The following VASN variants were observed in gnomAD, a reference collection of about 807,000 sequenced individuals.
VASN encodes the protein protein slit-like 2.
VASN carries 5 observed loss-of-function variants against 4.8 expected under a neutral mutation model. The observed-to-expected ratio is 1.03, with a 90% CI of 0.54 to 2.17. VASN has a LOEUF of 2.17. Among genes scored for constraint, VASN ranks in the 30% most tolerant of loss-of-function variants. The pLI, the probability that VASN is intolerant of heterozygous loss-of-function variation, is 0.01. For synonymous variants in VASN, 499 were observed against 460.8 expected (o/e 1.08, Z -1.06); for missense variants, 927 against 948.8 (o/e 0.98, Z 0.30).
Position 4,382,518 on chromosome 16 carries a change from G to A in VASN, c.1641G>A (p.Glu547=), listed in dbSNP as rs759387358. ...PLGPGRVPEG[E]EACGEAHTPP... is the part of the protein sequence containing the mutation. ...GGCCCGGGCGGGTGCCGGAGGGCGA[G>A]GAGGCCTGCGGGGAGGCCCATACAC... Residue 547 remains glutamate, a synonymous_variant, in exon 2 of 2, where the codon GAG becomes GAA. Coordinates refer to ENST00000304735, the MANE Select transcript of VASN (RefSeq NM_138440.3). The A allele has an allele frequency of 3.1e-6, 5 of 1,591,770 alleles. No individual in the cohort carries two copies. Among genetic ancestry groups the A allele is most frequent in the Non-Finnish European group, 4.3e-6 (5 of 1,169,662 alleles).
rs562289074 is a variant in VASN at position 4,383,116 on chromosome 16, G to A, written c.*217G>A. 5.4e-6 allele frequency: 3 copies of A among 555,888 alleles called. No homozygotes were observed. Among genetic ancestry groups the A allele is most frequent in the South Asian group, 3.1e-5 (1 of 32,448 alleles). 34.4% of individuals were successfully genotyped at this position (555,888 alleles called of 1,614,324 possible). A position where few individuals can be genotyped will look rare whatever the true frequency, so the allele number is the denominator to read the frequency against. ...GACGAGCCCTAACGTCCCCAGAACC[G>A]AGTGCCTATGAGGACAGTGTCCGCC... On this transcript the variant is annotated 3_prime_UTR_variant, in exon 2 of 2. Coordinates refer to ENST00000304735, the MANE Select transcript of VASN (RefSeq NM_138440.3).
rs543713876 is a variant in VASN, at chr16:4,381,234, C to T, written c.357C>T (p.Thr119=). 3.1e-5 allele frequency: 50 copies of T among 1,612,034 alleles called. No homozygotes were observed. The Admixed American group carries it at 7.3e-4, about 24-fold the overall frequency. ...ANRLHEITNE[T]FRGLRRLERL... Reference sequence around the variant, plus strand: ...GGCTGCATGAAATCACCAATGAGACCTTCCGTGGCCTGCGGCGCCTCGAGC... The same window carrying T: ...GGCTGCATGAAATCACCAATGAGACTTTCCGTGGCCTGCGGCGCCTCGAGC... The change falls in exon 2 of 2, where the codon ACC becomes ACT. Residue 119 remains threonine, a synonymous_variant. Transcript: ENST00000304735.
chr16:4,379,359 C>T (rs948383218), intron 1 of VASN, among the ~76,000 whole-genome samples: 1 of 152,050 alleles, frequency 6.6e-6, no homozygotes, highest in Non-Finnish European at 1.5e-5. Context: ...AGCGGTCTCC[C>T]CAGGAGTCTA....
chr16:4,373,614 G>C (rs958102810), intron 1 of VASN, among the ~76,000 whole-genome samples: 1 of 152,178 alleles, frequency 6.6e-6, no homozygotes, highest in Admixed American at 6.5e-5. Flanking sequence ...AGATGCCCCG[G>C]GCAGGAGATG....
chr16:4,381,667 G>A lies in VASN; in HGVS notation c.790G>A (p.Ala264Thr). 4 of 1,605,052 alleles carry A rather than the reference G, an allele frequency of 2.5e-6. No homozygotes were observed. Among genetic ancestry groups the A allele is most frequent in the Non-Finnish European group, 3.4e-6 (4 of 1,176,984 alleles). The change falls in exon 2 of 2, where the codon GCT becomes ACT. Residue 264 changes from alanine (A) to threonine (T), a missense_variant. Coordinates refer to ENST00000304735, the MANE Select transcript of VASN (RefSeq NM_138440.3). ...QLRPEDLAGL[A>T]ALQELDVSNL... ...GCGGCCCGAGGACCTGGCCGGCCTG[G>A]CTGCCCTGCAGGAGCTGGATGTGAG... is the stretch of plus-strand genomic sequence containing the variant.
chr16:4,380,422 G>A (rs571638479), intron 1 of VASN, among the ~76,000 whole-genome samples: 1 of 152,238 alleles, frequency 6.6e-6, no homozygotes, highest in African/African-American at 2.4e-5. Context: ...AGCAGGAGCC[G>A]GCGGCCAAGG....
intron 1 of VASN, 79 bp from the exon 2 acceptor site, chr16:4,380,790 C>T: frequency 2.2e-6 from 3 of 1,381,242 alleles, no homozygotes; most frequent in Non-Finnish European, 2.9e-6. Context: ...CAGTGAATTC[C>T]CTCTGGCTCT....
At chr16:4,378,332 C>T (rs989014623) in intron 1 of VASN, among the ~76,000 whole-genome samples, 1 of 152,090 alleles carries the variant, frequency 6.6e-6, no homozygotes, top group Non-Finnish European at 1.5e-5. Context: ...GAGCTGCGGC[C>T]ACAGTGGTGG....
rs371276157 is a variant in VASN, at chr16:4,382,498, G to A, written c.1621G>A (p.Gly541Arg). Residue 541 changes from glycine to arginine, a missense_variant, in exon 2 of 2, where the codon GGG becomes AGG. Transcript: ENST00000304735. ...YSVCVMPLGPGRVPEGEEACG... is the reference protein window; with the variant it reads ...YSVCVMPLGPRRVPEGEEACG... Reference sequence around the variant, plus strand: ...CGTCTGTGTCATGCCTTTGGGGCCCGGGCGGGTGCCGGAGGGCGAGGAGGC... The same window carrying A: ...CGTCTGTGTCATGCCTTTGGGGCCCAGGCGGGTGCCGGAGGGCGAGGAGGC... 1.2e-4 allele frequency: 191 copies of A among 1,595,168 alleles called. No homozygotes were observed. The highest frequency in any genetic ancestry group is 3.8e-4 in the South Asian group (34 of 88,862).
intron 1 of VASN, among the ~76,000 whole-genome samples, chr16:4,380,141 G>A (rs575987422): frequency 2.5e-4 from 38 of 151,540 alleles, no homozygotes; most frequent in East Asian, 1.6e-3. Context: ...CATGTAGCCA[G>A]TGTCCCCACC....
chr16:4,382,463 C>T lies in VASN; in HGVS notation c.1586C>T (p.Ala529Val). ...EYTVTQLRPNATYSVCVMPLG... is the reference protein window; with the variant it reads ...EYTVTQLRPNVTYSVCVMPLG... ...ACGGTCACCCAGCTGCGGCCCAACG[C>T]CACTTACTCCGTCTGTGTCATGCCT... The change falls in exon 2 of 2, where the codon GCC (alanine) becomes GTC (valine). Residue 529 changes from alanine to valine, a missense_variant. Ala to Val is a moderately conservative substitution (Grantham distance 64). Transcript: ENST00000304735. 1.2e-6 allele frequency: 2 copies of T among 1,607,740 alleles called. No homozygotes were observed. The highest frequency in any genetic ancestry group is 8.5e-7 in the Non-Finnish European group (1 of 1,177,418).
intron 1 of VASN, among the ~76,000 whole-genome samples, chr16:4,376,534 C>A (rs1227891106): frequency 6.6e-6 from 1 of 152,166 alleles, no homozygotes; most frequent in African/African-American, 2.4e-5. Flanking sequence ...TCAGCAGGCA[C>A]ACCGCCTGCC....
At chr16:4,377,381 G>A (rs1303906593) in intron 1 of VASN, among the ~76,000 whole-genome samples, 2 of 152,090 alleles carry the variant, frequency 1.3e-5, no homozygotes, top group East Asian at 1.9e-4. Context: ...GGCAACCACC[G>A]TGTGACCTGT....
At chr16:4,374,155 T>C (rs1375507294) in intron 1 of VASN, among the ~76,000 whole-genome samples, 2 of 130,062 alleles carry the variant, frequency 1.5e-5, no homozygotes, top group East Asian at 2.7e-4. Flanking sequence ...GGCGTGTCTG[T>C]GTGCGCGTGA....
In VASN at chr16:4,382,290, G is replaced by A. The variant is rs750848286; in HGVS notation, c.1413G>A (p.Val471=). Reference sequence around the variant, plus strand: ...CCCTGACCCTGGGCATCGAGCCGGTGAGCCCCACCTCCCTGCGCGTGGGGC... The same window carrying A: ...CCCTGACCCTGGGCATCGAGCCGGTAAGCCCCACCTCCCTGCGCGTGGGGC... ...PRSLTLGIEP[V]SPTSLRVGLQ... Residue 471 remains valine, a synonymous_variant, in exon 2 of 2, where the codon GTG becomes GTA. Coordinates refer to ENST00000304735, the MANE Select transcript of VASN (RefSeq NM_138440.3). 1.2e-6 allele frequency: 2 copies of A among 1,610,056 alleles called. No homozygotes were observed. The highest frequency in any genetic ancestry group is 2.2e-5 in the East Asian group (1 of 44,758).
chr16:4,371,882 GGACTCGAACGCA>G lies in VASN; in HGVS notation c.-119_-108del, dbSNP rs1388704858. On this transcript the variant is annotated 5_prime_UTR_variant, in exon 1 of 2. Coordinates refer to ENST00000304735, the MANE Select transcript of VASN (RefSeq NM_138440.3). ...GCCCGAGCCCGGGGCGGGTGGACGC[GGACTCGAACGCA>G]GTTGCTTCGGGACCCAGGACCCCCT... 1 of 152,090 alleles carries G rather than the reference GGACTCGAACGCA, an allele frequency of 6.6e-6. No individual in the cohort carries two copies. The highest frequency in any genetic ancestry group is 1.5e-5 in the Non-Finnish European group (1 of 67,970). 9.4% of individuals were successfully genotyped at this position (152,090 alleles called of 1,614,324 possible). A position where few individuals can be genotyped will look rare whatever the true frequency, so the allele number is the denominator to read the frequency against.
intron 1 of VASN, among the ~76,000 whole-genome samples, chr16:4,376,143 C>G (rs960866456): frequency 6.6e-6 from 1 of 152,184 alleles, no homozygotes; most frequent in East Asian, 1.9e-4. Flanking sequence ...AGGCCCAGCC[C>G]TCTCTGCCCC....
chr16:4,381,489 G>C lies in VASN; in HGVS notation c.612G>C (p.Leu204=). ...VEALRLAGLG[L]QQLDEGLFSR... ...CGCTGCGGCTGGCTGGTCTGGGGCT[G>C]CAGCAGCTGGACGAGGGGCTCTTCA... The change falls in exon 2 of 2, where the codon CTG becomes CTC. Residue 204 remains leucine, a synonymous_variant. Coordinates refer to ENST00000304735, the MANE Select transcript of VASN (RefSeq NM_138440.3). 6.3e-7 allele frequency: 1 copy of C among 1,587,286 alleles called. No individual in the cohort carries two copies. The highest frequency in any genetic ancestry group is 8.6e-7 in the Non-Finnish European group (1 of 1,168,600).
intron 1 of VASN, among the ~76,000 whole-genome samples, chr16:4,373,961 C>T (rs1368201415): frequency 1.3e-5 from 2 of 152,196 alleles, no homozygotes; most frequent in Non-Finnish European, 2.9e-5. Flanking sequence ...TCCTGGACCC[C>T]CCATCAGCTG....
Sources: gnomAD v4.1 joint callset for allele counts (sites outside exome capture counted in the v4.1 genomes callset) on GRCh38, gnomAD v4.1.1 for gene constraint, MANE v1.5 for transcripts, NCBI Gene and HGNC (gene_info 2026-07-23, HGNC 2026-07-21) for gene names.